PALLD: variants seen among roughly 807,000 people sequenced by gnomAD.
PALLD encodes the protein palladin, cytoskeletal associated protein, also known as palladin.
Under a neutral mutation model 123.5 loss-of-function variants are expected in PALLD, and 61 were observed. The observed-to-expected ratio is 0.49, with a 90% confidence interval of 0.40 to 0.61. The LOEUF (loss-of-function observed/expected upper bound fraction) is 0.61, where lower values mean the gene tolerates loss of function less well. Among genes scored for constraint, PALLD ranks in the 20% least tolerant of loss-of-function variants. PALLD has a pLI of 0.00. For synonymous variants in PALLD, 465 were observed against 496.4 expected (o/e 0.94, Z 0.84); for missense variants, 1,273 against 1,377.0 (o/e 0.92, Z 1.20).
intron 3 of PALLD, among the ~76,000 whole-genome samples, chr4:168,671,377 C>T (rs775735496): frequency 2.6e-5 from 4 of 152,128 alleles, no homozygotes; most frequent in Non-Finnish European, 5.9e-5. Context: ...CTTTCATGTT[C>T]GGGACTTCAA....
intron 9 of PALLD, among the ~76,000 whole-genome samples, chr4:168,710,812 A>G (rs1784764593): frequency 6.6e-6 from 1 of 152,210 alleles, no homozygotes; most frequent in South Asian, 2.1e-4. Context: ...CCTGGGCTCT[A>G]TAAGTCTGAG....
chr4:168,676,739 AT>A (rs397961036), intron 3 of PALLD, among the ~76,000 whole-genome samples: 155 of 143,678 alleles, frequency 1.1e-3, no homozygotes, highest in Admixed American at 2.0e-3. Context: ...TGCCCATCTA[AT>A]TTTTTTTTTT....
intron 10 of PALLD, among the ~76,000 whole-genome samples, chr4:168,836,021 G>A (rs1745133226): frequency 6.6e-6 from 1 of 152,198 alleles, no homozygotes; most frequent in South Asian, 2.1e-4. Flanking sequence ...GGACTACTTA[G>A]GGCACAGATT....
chr4:168,505,204 C>A (rs1196242006), intron 1 of PALLD, among the ~76,000 whole-genome samples: 1 of 152,144 alleles, frequency 6.6e-6, no homozygotes, highest in East Asian at 1.9e-4. Context: ...GCAAATTAAG[C>A]CTGAACCAGA....
Position 168,831,922 on chromosome 4 carries a change from G to A in PALLD, c.1965-59000G>A. 6.2e-6 allele frequency: 5 copies of A among 803,928 alleles called. No individual in the cohort carries two copies. In the South Asian group the frequency reaches 1.7e-4, roughly 27 times the overall value. The allele number at this position is 803,928 out of a possible 1,614,324, so 49.8% of individuals were successfully genotyped here. On this transcript the variant is annotated intron_variant, in intron 10 of 21. Transcript: ENST00000505667. ...GCGGGACAAGGTTACGAGTGGGTGC[G>A]GGGAAGCCTCCCTAACCTGGGGGCC...
At chr4:168,609,746 C>T (rs925906949) in intron 2 of PALLD, among the ~76,000 whole-genome samples, 5 of 152,198 alleles carry the variant, frequency 3.3e-5, no homozygotes, top group African/African-American at 1.2e-4. Context: ...TCTCATACAG[C>T]TCAGAACCTT....
chr4:168,572,396 A>T (rs899407168), intron 2 of PALLD, among the ~76,000 whole-genome samples: 4 of 152,130 alleles, frequency 2.6e-5, no homozygotes, highest in African/African-American at 7.2e-5. Flanking sequence ...GTTATGTAGG[A>T]AAACTGGGGT....
chr4:168,728,045 A>G (rs1303825482), intron 10 of PALLD, among the ~76,000 whole-genome samples: 3 of 151,934 alleles, frequency 2.0e-5, no homozygotes, highest in Non-Finnish European at 4.4e-5. Context: ...TGAGCTTTCT[A>G]TTGTGTTCCA....
chr4:168,877,963 G>A, intron 10 of PALLD: 2 of 1,501,156 alleles, frequency 1.3e-6, no homozygotes, highest in Admixed American at 2.1e-5. Flanking sequence ...CGCGCCCCAA[G>A]CAGTTCATCG....
rs1762758770 is a variant in PALLD, at chr4:168,927,915, CATTATTT to C, written c.*1738_*1744del. 5.0e-6 allele frequency: 1 copy of C among 201,496 alleles called. No individual in the cohort carries two copies. Among genetic ancestry groups the C allele is most frequent in the South Asian group, 1.9e-4 (1 of 5,268 alleles). 12.5% of individuals were successfully genotyped at this position (201,496 alleles called of 1,614,324 possible). A position where few individuals can be genotyped will look rare whatever the true frequency, so the allele number is the denominator to read the frequency against. On this transcript the variant is annotated 3_prime_UTR_variant, in exon 22 of 22. Coordinates refer to ENST00000505667, the MANE Select transcript of PALLD (RefSeq NM_001166108.2). ...CCTTATGCAAAACACATGTATCTTT[CATTATTT>C]ATAAGTGGCCTCTCTTAGCTCAGTT...
intron 2 of PALLD, among the ~76,000 whole-genome samples, chr4:168,613,444 T>C (rs1440274439): frequency 1.3e-5 from 2 of 152,196 alleles, no homozygotes; most frequent in African/African-American, 4.8e-5. Flanking sequence ...CCTCAATCTT[T>C]ACCTGTCCAC....
chr4:168,762,452 G>C (rs1167300665), intron 10 of PALLD, among the ~76,000 whole-genome samples: 2 of 152,082 alleles, frequency 1.3e-5, no homozygotes, highest in Non-Finnish European at 2.9e-5. Context: ...CAGCCTGGGC[G>C]ACTGGAGTGA....
At chr4:168,654,162 G>A (rs1231682941) in intron 2 of PALLD, among the ~76,000 whole-genome samples, 2 of 152,154 alleles carry the variant, frequency 1.3e-5, no homozygotes, top group African/African-American at 4.8e-5. Flanking sequence ...TGCAAACAAA[G>A]GAACGATTAT....
At chr4:168,543,874 C>A (rs937041050) in intron 2 of PALLD, among the ~76,000 whole-genome samples, 2 of 152,142 alleles carry the variant, frequency 1.3e-5, no homozygotes, top group African/African-American at 4.8e-5. Context: ...AGGAAGAGAT[C>A]CTTCTAGTTT....
intron 10 of PALLD, among the ~76,000 whole-genome samples, chr4:168,875,503 G>A (rs1052884700): frequency 2.0e-5 from 3 of 152,002 alleles, no homozygotes; most frequent in South Asian, 2.1e-4. Flanking sequence ...ATGTTTTTGC[G>A]CTCCTTTTCC....
chr4:168,691,730 T>C (rs1280537309), intron 8 of PALLD, among the ~76,000 whole-genome samples: 2 of 152,080 alleles, frequency 1.3e-5, no homozygotes, highest in Non-Finnish European at 2.9e-5. Context: ...GTAAGCAAAA[T>C]GGACCCCCAG....
At chr4:168,750,039 G>A (rs115931751) in intron 10 of PALLD, among the ~76,000 whole-genome samples, 5,539 of 151,486 alleles carry the variant, frequency 0.037, 321 homozygotes, top group African/African-American at 0.12. Flanking sequence ...TTCCACCTTC[G>A]AGGTTCAAGC....
At chr4:168,687,781 C>A (rs1325408322) in intron 6 of PALLD, among the ~76,000 whole-genome samples, 3 of 152,234 alleles carry the variant, frequency 2.0e-5, no homozygotes, top group East Asian at 1.9e-4. Flanking sequence ...GTCTTTCCCC[C>A]TTCCCCAAAA....
chr4:168,925,474 C>A, intron 21 of PALLD, 196 bp downstream of exon 21: 5 of 599,504 alleles, frequency 8.3e-6, no homozygotes, highest in Non-Finnish European at 1.5e-5. Context: ...TATATTCTAT[C>A]GCAGTGTCCT....
Sources: allele counts gnomAD v4.1 joint callset (sites outside exome capture counted in the v4.1 genomes callset), GRCh38; gene constraint gnomAD v4.1.1; transcripts MANE v1.5; gene names NCBI Gene and HGNC (gene_info 2026-07-23, HGNC 2026-07-21).